Variants in TTLL5 observed in about 807,000 individuals in gnomAD.
The protein encoded by TTLL5 is tubulin tyrosine ligase like 5, also known as tubulin polyglutamylase TTLL5.
In TTLL5, 132 loss-of-function variants were observed where a neutral mutation model predicts 168.4. That is an observed-to-expected ratio of 0.78 (90% CI 0.68 to 0.91). The LOEUF (loss-of-function observed/expected upper bound fraction) is 0.91, where lower values mean the gene tolerates loss of function less well. TTLL5 is among the 40% of genes least tolerant of loss of function. The pLI is 0.00. For synonymous variants in TTLL5, 546 were observed against 558.6 expected (o/e 0.98, Z 0.32); for missense variants, 1,545 against 1,581.5 (o/e 0.98, Z 0.39).
At chr14:75,807,051 A>G (rs2140380563) in intron 27 of TTLL5, among the ~76,000 whole-genome samples, 1 of 152,150 alleles carries the variant, frequency 6.6e-6, no homozygotes, top group South Asian at 2.1e-4. Context: ...GTTCTTTCTA[A>G]CTCATCACCT....
chr14:75,915,430 C>T (rs1287699481), intron 31 of TTLL5, among the ~76,000 whole-genome samples: 1 of 152,200 alleles, frequency 6.6e-6, no homozygotes, highest in African/African-American at 2.4e-5. Context: ...GCAGCATTAC[C>T]ACTGCTGTTG....
intron 2 of TTLL5, among the ~76,000 whole-genome samples, chr14:75,667,432 A>T (rs1286725938): frequency 1.3e-5 from 2 of 152,240 alleles, no homozygotes; most frequent in Admixed American, 6.5e-5. Flanking sequence ...GGAAGAGATC[A>T]TAGGAATCAC....
intron 7 of TTLL5, among the ~76,000 whole-genome samples, chr14:75,701,933 A>T (rs567881199): frequency 1.3e-5 from 2 of 152,266 alleles, no homozygotes; most frequent in African/African-American, 4.8e-5. Context: ...GGAACTCTGG[A>T]AGGGCAGGGG....
At position 75,935,394 on chromosome 14, in the gene TTLL5, T is replaced by C. The variant is rs546545177; in HGVS notation, c.3824-19030T>C. Among the ~76,000 whole-genome samples, 28 of 152,326 alleles carry C rather than the reference T, an allele frequency of 1.8e-4. 1 individual carries two copies. The highest frequency in any genetic ancestry group is 1.2e-3 in the Admixed American group (18 of 15,302). On this transcript the variant is annotated intron_variant, in intron 31 of 31. Transcript: ENST00000298832. The stretch of plus-strand genomic sequence containing the variant: ...CTGCAATAATTTAGCTCCTGCTTCA[T>C]TGGAACTCTCTCTTGGGTGAGCCTT...
intron 18 of TTLL5, among the ~76,000 whole-genome samples, chr14:75,761,405 A>G (rs1890642443): frequency 6.6e-6 from 1 of 152,212 alleles, no homozygotes. Context: ...AAATAGGTTC[A>G]TAGTAGCTTT....
rs141590887 is a variant in TTLL5, at chr14:75,844,109, C to A, written c.3327-19558C>A. Reference sequence around the variant, plus strand: ...TATTGGCCAGGCCGGTCTCGAACTCCTGACCTCATGATCCGCCCGCCTCAG... The same window carrying A: ...TATTGGCCAGGCCGGTCTCGAACTCATGACCTCATGATCCGCCCGCCTCAG... On this transcript the variant is annotated intron_variant, in intron 28 of 31. Transcript: ENST00000298832. 8.1e-3 allele frequency among the ~76,000 whole-genome samples: 1,233 copies of A among 151,982 alleles called. 12 individuals are homozygous for A. Among genetic ancestry groups the A allele is most frequent in the African/African-American group, 0.028 (1,150 of 41,466 alleles).
chr14:75,686,372 A>G (rs1286215406), intron 5 of TTLL5, among the ~76,000 whole-genome samples: 1 of 152,154 alleles, frequency 6.6e-6, no homozygotes, highest in Non-Finnish European at 1.5e-5. Context: ...TTAAGTTCTC[A>G]ACGGGGTTCC....
rs1188345853 is a variant in TTLL5 at position 75,663,061 on chromosome 14, G to C, written c.-89G>C. The C allele has an allele frequency of 7.4e-6, 8 of 1,085,866 alleles. No individual in the cohort carries two copies. Among genetic ancestry groups the C allele is most frequent in the Non-Finnish European group, 1.1e-5 (8 of 715,410 alleles). The allele number at this position is 1,085,866 out of a possible 1,614,324, so 67.3% of individuals were successfully genotyped here. A position where few individuals can be genotyped will look rare whatever the true frequency, so the allele number is the denominator to read the frequency against. ...TCAAGTTGATTTCTTGCAGGAATCT[G>C]TGCCATCCAAATTGCTTGATCCAGT... is the stretch of plus-strand genomic sequence containing the variant. On this transcript the variant is annotated 5_prime_UTR_variant, in exon 2 of 32. Transcript: ENST00000298832.
At chr14:75,853,905 G>A (rs1426904767) in intron 28 of TTLL5, among the ~76,000 whole-genome samples, 4 of 152,060 alleles carry the variant, frequency 2.6e-5, no homozygotes, top group African/African-American at 4.8e-5. Flanking sequence ...TTAGCTGGGC[G>A]TGGTGGCACA....
chr14:75,722,495 T>C (rs1295460500), intron 12 of TTLL5, among the ~76,000 whole-genome samples: 1 of 152,030 alleles, frequency 6.6e-6, no homozygotes, highest in Admixed American at 6.5e-5. Flanking sequence ...TCTTTTCCTA[T>C]CACATCATGA....
At chr14:75,784,789 GA>G (rs1313635940) in intron 26 of TTLL5, among the ~76,000 whole-genome samples, 1 of 152,176 alleles carries the variant, frequency 6.6e-6, no homozygotes, top group African/African-American at 2.4e-5. Flanking sequence ...TAATGGGTAT[GA>G]AATAGTATCT....
chr14:75,712,504 A>G (rs1181257887), intron 9 of TTLL5: 2 of 148,354 alleles, frequency 1.3e-5, no homozygotes, highest in Non-Finnish European at 3.0e-5. Flanking sequence ...AGCAGGACAA[A>G]AAAAAAAAAA....
intron 26 of TTLL5, among the ~76,000 whole-genome samples, chr14:75,787,583 T>C (rs1166193719): frequency 6.6e-6 from 1 of 152,192 alleles, no homozygotes; most frequent in East Asian, 1.9e-4. Context: ...CTTCTATTAA[T>C]TATTAATACA....
chr14:75,751,709 A>T (rs1392504933), intron 17 of TTLL5, among the ~76,000 whole-genome samples: 1 of 152,200 alleles, frequency 6.6e-6, no homozygotes, highest in Non-Finnish European at 1.5e-5. Context: ...ATAACCAGTC[A>T]GAGGCAAAAG....
intron 31 of TTLL5, among the ~76,000 whole-genome samples, chr14:75,917,155 C>A (rs975941589): frequency 2.0e-5 from 3 of 152,202 alleles, no homozygotes; most frequent in Admixed American, 2.0e-4. Flanking sequence ...CTGAACTGTA[C>A]ACTTGAAATT....
At chr14:75,832,358 G>A (rs1207141404) in intron 28 of TTLL5, among the ~76,000 whole-genome samples, 1 of 152,036 alleles carries the variant, frequency 6.6e-6, no homozygotes, top group Non-Finnish European at 1.5e-5. Flanking sequence ...TTTCCCAATT[G>A]CCCCCAAATT....
chr14:75,735,415 TA>T, intron 15 of TTLL5, 126 bp downstream of exon 15: 1 of 831,506 alleles, frequency 1.2e-6, no homozygotes, highest in South Asian at 1.5e-5. Context: ...GGGATCACTC[TA>T]GACAGGAGGC....
chr14:75,884,148 G>T (rs1349637441), intron 30 of TTLL5, among the ~76,000 whole-genome samples: 1 of 152,188 alleles, frequency 6.6e-6, no homozygotes. Context: ...GTAAGGCCCG[G>T]CCCAGGTAAG....
chr14:75,938,600 C>T (rs897019885), intron 31 of TTLL5, among the ~76,000 whole-genome samples: 1 of 152,158 alleles, frequency 6.6e-6, no homozygotes. Context: ...TTATTTGGCC[C>T]TTGTAGCAAT....
Sources: allele counts gnomAD v4.1 joint callset (sites outside exome capture counted in the v4.1 genomes callset), GRCh38; gene constraint gnomAD v4.1.1; transcripts MANE v1.5; gene names NCBI Gene and HGNC (gene_info 2026-07-23, HGNC 2026-07-21).